The following LONP2 variants were observed in gnomAD, a reference collection of about 807,000 sequenced individuals.
LONP2 encodes the protein lon peptidase 2, peroxisomal.
LONP2 carries 60 observed loss-of-function variants against 85.6 expected under a neutral mutation model. The ratio of observed to expected loss-of-function variants is 0.70; its 90% CI spans 0.57 to 0.87. The LOEUF (loss-of-function observed/expected upper bound fraction) is 0.87, where lower values mean the gene tolerates loss of function less well. LONP2 is among the 40% of genes least tolerant of loss of function. LONP2 has a pLI of 0.00. For missense variants in LONP2, 860 were observed against 1,063.5 expected, an observed-to-expected ratio of 0.81 and a Z score of 2.66; for synonymous variants, 395 against 389.7, an observed-to-expected ratio of 1.01 and a Z score of -0.16.
At chr16:48,249,678 T>A (rs1971578187) in intron 1 of LONP2, among the ~76,000 whole-genome samples, 1 of 149,358 alleles carries the variant, frequency 6.7e-6, no homozygotes, top group Non-Finnish European at 1.5e-5. Flanking sequence ...TAGTTGGAGA[T>A]CAGCCTGGTC....
In LONP2 at chr16:48,331,856, G is replaced by T. The variant is rs377672144; in HGVS notation, c.1796-2360G>T. The stretch of plus-strand genomic sequence containing the variant: ...TGGGATTACAGGCGTGAGCCACCAC[G>T]CCTGGCCAGGATTTTATTTTTAATT... On this transcript the variant is annotated intron_variant, in intron 11 of 14. Transcript: ENST00000285737. Among the ~76,000 whole-genome samples the T allele has an allele frequency of 6.6e-5, 10 of 152,332 alleles. No homozygotes were observed. The East Asian group carries it at 1.4e-3, about 21-fold the overall frequency.
At position 48,252,227 on chromosome 16, in the gene LONP2, T is replaced by C; in HGVS notation, c.330T>C (p.Ile110=). The change falls in exon 2 of 15, where the codon ATT becomes ATC. Residue 110 remains isoleucine, a synonymous_variant. Coordinates refer to ENST00000285737, the MANE Select transcript of LONP2 (RefSeq NM_031490.5). ...TTACAGGCCTATGCCGTTTCCAGATTGTACAGGTCTTAAAAGAGAAGCCAT... is the reference window on the plus strand; with the variant it reads ...TTACAGGCCTATGCCGTTTCCAGATCGTACAGGTCTTAAAAGAGAAGCCAT... ...LLITGLCRFQ[I]VQVLKEKPYP... is the part of the protein sequence containing the mutation. 1.2e-6 allele frequency: 2 copies of C among 1,614,184 alleles called. No homozygotes were observed. The highest frequency in any genetic ancestry group is 1.7e-6 in the Non-Finnish European group (2 of 1,180,014).
chr16:48,334,014 A>G (rs1192645010), intron 11 of LONP2, among the ~76,000 whole-genome samples: 1 of 152,246 alleles, frequency 6.6e-6, no homozygotes, highest in Non-Finnish European at 1.5e-5. Flanking sequence ...GGCAATTGCA[A>G]ATACCACCCT....
chr16:48,341,253 T>G (rs1959798982), intron 12 of LONP2, among the ~76,000 whole-genome samples: 1 of 152,086 alleles, frequency 6.6e-6, no homozygotes, highest in Admixed American at 6.5e-5. Context: ...TGAGCTGAGA[T>G]CGTGCCACTG....
intron 1 of LONP2, among the ~76,000 whole-genome samples, chr16:48,246,546 G>A (rs946050372): frequency 2.0e-5 from 3 of 152,170 alleles, no homozygotes; most frequent in Non-Finnish European, 4.4e-5. Flanking sequence ...ATTCTGGCAA[G>A]ATTTTGGAAG....
At chr16:48,256,163 A>C (rs977156547) in intron 2 of LONP2, among the ~76,000 whole-genome samples, 11 of 152,174 alleles carry the variant, frequency 7.2e-5, no homozygotes, top group Non-Finnish European at 1.3e-4. Context: ...TCGATTCTGC[A>C]GCTTATCCTC....
chr16:48,297,557 G>A (rs1008704286), intron 9 of LONP2, among the ~76,000 whole-genome samples: 1 of 152,174 alleles, frequency 6.6e-6, no homozygotes, highest in Admixed American at 6.5e-5. Flanking sequence ...TGATTCACCC[G>A]CCTCAGCCTC....
intron 10 of LONP2, among the ~76,000 whole-genome samples, chr16:48,302,634 C>T (rs1972830908): frequency 6.6e-6 from 1 of 152,218 alleles, no homozygotes; most frequent in Admixed American, 6.5e-5. Context: ...ACTTAGCATA[C>T]CTTCTTCCTT....
chr16:48,284,390 T>C (rs1972393002), intron 8 of LONP2, among the ~76,000 whole-genome samples: 2 of 152,202 alleles, frequency 1.3e-5, no homozygotes, highest in Admixed American at 1.3e-4. Context: ...TAAGAAATTG[T>C]TTCATGAAAG....
chr16:48,328,225 C>A (rs1959310481), intron 11 of LONP2, among the ~76,000 whole-genome samples: 1 of 152,136 alleles, frequency 6.6e-6, no homozygotes, highest in African/African-American at 2.4e-5. Context: ...ACCTGGCCAA[C>A]ATAGTGAAAC....
At chr16:48,263,665 C>T (rs957178591) in intron 6 of LONP2, among the ~76,000 whole-genome samples, 6 of 152,140 alleles carry the variant, frequency 3.9e-5, no homozygotes, top group Non-Finnish European at 7.4e-5. Context: ...GCAGTGAATA[C>T]GGAAGTGCAG....
chr16:48,252,109 C>A, intron 1 of LONP2, 22 bp from the exon 2 acceptor site: 2 of 1,518,804 alleles, frequency 1.3e-6, no homozygotes. Context: ...TTTGTAATAC[C>A]GATGTTTTGT....
intron 7 of LONP2, among the ~76,000 whole-genome samples, chr16:48,274,494 A>G (rs74016379): frequency 0.014 from 2,081 of 152,282 alleles, 47 homozygotes; most frequent in African/African-American, 0.047. Context: ...ATTAGTCTAT[A>G]AAAAGATTTA....
chr16:48,273,339 A>G (rs138064463), intron 7 of LONP2, among the ~76,000 whole-genome samples: 1 of 152,318 alleles, frequency 6.6e-6, no homozygotes, highest in Non-Finnish European at 1.5e-5. Flanking sequence ...AAGCAAAGAT[A>G]TGTTTTTTAT....
chr16:48,289,514 G>A (rs1319308735), intron 8 of LONP2, among the ~76,000 whole-genome samples: 1 of 152,132 alleles, frequency 6.6e-6, no homozygotes, highest in Non-Finnish European at 1.5e-5. Context: ...TGGGAGGCAG[G>A]TTTGCCCTAA....
chr16:48,348,117 C>G lies in LONP2; in HGVS notation c.2164C>G (p.Leu722Val). 3 of 1,603,058 alleles carry G rather than the reference C, an allele frequency of 1.9e-6. No individual in the cohort carries two copies. The highest frequency in any genetic ancestry group is 2.5e-6 in the Non-Finnish European group (3 of 1,177,512). ...QLTNAFGSFD[L>V]LDNTDIHLHF... ...TTTTAAAGCTTTTGGAAGTTTTGAT[C>G]TTCTTGACAACACAGACATCCATCT... Residue 722 changes from leucine (L) to valine (V), a missense_variant, in exon 14 of 15, where the codon CTT becomes GTT. Transcript: ENST00000285737.
intron 8 of LONP2, among the ~76,000 whole-genome samples, chr16:48,288,896 T>C (rs1438715445): frequency 6.6e-6 from 1 of 152,206 alleles, no homozygotes; most frequent in Admixed American, 6.5e-5. Context: ...ACATAATATA[T>C]ATGTACCAGT....
intron 11 of LONP2, among the ~76,000 whole-genome samples, chr16:48,325,875 G>A (rs1405628310): frequency 2.0e-5 from 3 of 152,334 alleles, no homozygotes; most frequent in African/African-American, 2.4e-5. Context: ...CCAGCCACCA[G>A]TGTGTAAGAG....
At chr16:48,294,630 G>A (rs553714805) in intron 8 of LONP2, among the ~76,000 whole-genome samples, 11 of 152,228 alleles carry the variant, frequency 7.2e-5, no homozygotes, top group African/African-American at 1.7e-4. Context: ...GCCAGGTGGG[G>A]TGGTACGCAC....
Sources: allele counts gnomAD v4.1 joint callset (sites outside exome capture counted in the v4.1 genomes callset), GRCh38; gene constraint gnomAD v4.1.1; transcripts MANE v1.5; gene names NCBI Gene and HGNC (gene_info 2026-07-23, HGNC 2026-07-21).